Variants in ERLEC1 observed in about 807,000 individuals in gnomAD.
The protein encoded by ERLEC1 is ER lectin.
A neutral mutation model predicts 68.0 loss-of-function variants in ERLEC1; 47 were observed. The ratio of observed to expected loss-of-function variants is 0.69; its 90% CI spans 0.55 to 0.88. ERLEC1 has a LOEUF of 0.88. Ranked by LOEUF, ERLEC1 falls within the 40% of genes least tolerant of loss-of-function variation. The pLI is 0.00. For missense variants in ERLEC1, 567 were observed against 583.8 expected (o/e 0.97, Z 0.30); for synonymous variants, 225 against 203.2 (o/e 1.11, Z -0.91).
At chr2:53,798,212 T>C (rs1675822173) in intron 5 of ERLEC1, among the ~76,000 whole-genome samples, 1 of 151,984 alleles carries the variant, frequency 6.6e-6, no homozygotes, top group Non-Finnish European at 1.5e-5. Flanking sequence ...AATAAAATAC[T>C]GAAATGGGCT....
intron 8 of ERLEC1, among the ~76,000 whole-genome samples, chr2:53,802,753 G>A (rs753192463): frequency 1.3e-5 from 2 of 151,938 alleles, no homozygotes; most frequent in African/African-American, 2.4e-5. Flanking sequence ...TAAAAGTACC[G>A]CGGAGTTTTG....
rs199514701 is a variant in ERLEC1, at chr2:53,794,460, A to G, written c.267+11A>G. ...ACAAGTGGGGATGAGGTAAGTTTTT[A>G]TAAATATATTGATAATCCTGTCACC... On this transcript the variant is annotated intron_variant, in intron 2 of 13. Coordinates refer to ENST00000185150, the MANE Select transcript of ERLEC1 (RefSeq NM_015701.5). 4.2e-5 allele frequency: 52 copies of G among 1,247,522 alleles called. No homozygotes were observed. The Admixed American group carries it at 1.0e-3, about 24-fold the overall frequency. 77.3% of individuals were successfully genotyped at this position (1,247,522 alleles called of 1,614,324 possible).
At chr2:53,805,505 A>T (rs1676250710) in intron 8 of ERLEC1, among the ~76,000 whole-genome samples, 1 of 152,150 alleles carries the variant, frequency 6.6e-6, no homozygotes, top group South Asian at 2.1e-4. Context: ...GGTGTGAACC[A>T]CTGCAGCTGG....
At position 53,818,051 on chromosome 2, in the gene ERLEC1, C is replaced by T. The variant is rs1465797413; in HGVS notation, c.*82C>T. ...CCACTGTGTCTCATTATAGAGTTCT[C>T]AGCCATTGGACCTCTTCTAAAGGAT... On this transcript the variant is annotated 3_prime_UTR_variant, in exon 14 of 14. Transcript: ENST00000185150. 1.1e-6 allele frequency: 1 copy of T among 903,634 alleles called. No individual in the cohort carries two copies. Among genetic ancestry groups the T allele is most frequent in the Non-Finnish European group, 1.8e-6 (1 of 544,672 alleles). 56.0% of individuals were successfully genotyped at this position (903,634 alleles called of 1,614,324 possible).
In ERLEC1 at chr2:53,808,944, A is replaced by G. The variant is rs114390887; in HGVS notation, c.1042-270A>G. Among the ~76,000 whole-genome samples the G allele has an allele frequency of 2.1e-3, 320 of 152,282 alleles. 1 individual carries two copies. Among genetic ancestry groups the G allele is most frequent in the Non-Finnish European group, 3.2e-3 (217 of 68,022 alleles). ...GCACCTGGCCAACATCTCCCTTTAC[A>G]AAGTTAAAAATTTTGACCCTGACTC... On this transcript the variant is annotated intron_variant, in intron 9 of 13. Coordinates refer to ENST00000185150, the MANE Select transcript of ERLEC1 (RefSeq NM_015701.5).
In ERLEC1 at chr2:53,797,937, G is replaced by A. The variant is rs1042637626; in HGVS notation, c.490+142G>A. The stretch of plus-strand genomic sequence containing the variant: ...ATAGGCTGGGCGCGGTGGCTGACGC[G>A]TGTAATCCCAGCACTTTGGGAGGCC... On this transcript the variant is annotated intron_variant, in intron 5 of 13. Transcript: ENST00000185150. 28 of 727,532 alleles carry A rather than the reference G, an allele frequency of 3.8e-5. 1 individual carries two copies. Among genetic ancestry groups the A allele is most frequent in the African/African-American group, 1.1e-4 (6 of 56,776 alleles). 45.1% of individuals were successfully genotyped at this position (727,532 alleles called of 1,614,324 possible). A position where few individuals can be genotyped will look rare whatever the true frequency, so the allele number is the denominator to read the frequency against.
At position 53,787,124 on chromosome 2, in the gene ERLEC1, C is replaced by A; in HGVS notation, c.-87C>A. 2.4e-6 allele frequency: 3 copies of A among 1,265,744 alleles called. No homozygotes were observed. The highest frequency in any genetic ancestry group is 3.1e-6 in the Non-Finnish European group (3 of 970,536). The allele number at this position is 1,265,744 out of a possible 1,614,324, so 78.4% of individuals were successfully genotyped here. On this transcript the variant is annotated 5_prime_UTR_variant, in exon 1 of 14. Coordinates refer to ENST00000185150, the MANE Select transcript of ERLEC1 (RefSeq NM_015701.5). The stretch of plus-strand genomic sequence containing the variant: ...ATACCCGGGCGCTTTATAGTCCCGC[C>A]GCCTCCTCCTCCACCTCCTCCTCCT...
Position 53,818,042 on chromosome 2 carries a change from T to G in ERLEC1, c.*73T>G. 9.9e-7 allele frequency: 1 copy of G among 1,008,434 alleles called. No individual in the cohort carries two copies. The highest frequency in any genetic ancestry group is 1.6e-6 in the Non-Finnish European group (1 of 635,054). The allele number at this position is 1,008,434 out of a possible 1,614,324, so 62.5% of individuals were successfully genotyped here. On this transcript the variant is annotated 3_prime_UTR_variant, in exon 14 of 14. Coordinates refer to ENST00000185150, the MANE Select transcript of ERLEC1 (RefSeq NM_015701.5). Reference sequence around the variant, plus strand: ...ATTTCTGTCCCACTGTGTCTCATTATAGAGTTCTCAGCCATTGGACCTCTT... The same window carrying G: ...ATTTCTGTCCCACTGTGTCTCATTAGAGAGTTCTCAGCCATTGGACCTCTT...
In ERLEC1 at chr2:53,787,058, C is replaced by G. The variant is rs758862552; in HGVS notation, c.-153C>G. On this transcript the variant is annotated 5_prime_UTR_variant, in exon 1 of 14. Coordinates refer to ENST00000185150, the MANE Select transcript of ERLEC1 (RefSeq NM_015701.5). Reference sequence around the variant, plus strand: ...CTCAAGGGGGCGGAGGCGGCGTTGCCGGGCTCTCCGGAAGGAGACGTGGCG... The same window carrying G: ...CTCAAGGGGGCGGAGGCGGCGTTGCGGGGCTCTCCGGAAGGAGACGTGGCG... 4.0e-5 allele frequency: 44 copies of G among 1,101,940 alleles called. No individual in the cohort carries two copies. Among genetic ancestry groups the G allele is most frequent in the Non-Finnish European group, 5.2e-5 (42 of 810,046 alleles). 68.3% of individuals were successfully genotyped at this position (1,101,940 alleles called of 1,614,324 possible).
At chr2:53,814,517 A>G (rs758395006) in intron 11 of ERLEC1, 26 bp from the exon 12 acceptor site, 1 of 1,571,984 alleles carries the variant, frequency 6.4e-7, no homozygotes. Flanking sequence ...TTAGTTTAAT[A>G]AAACTTGTGT....
In ERLEC1 at chr2:53,797,602, T is replaced by G; in HGVS notation, c.426+10T>G. 1.2e-6 allele frequency: 2 copies of G among 1,606,212 alleles called. No individual in the cohort carries two copies. Among genetic ancestry groups the G allele is most frequent in the Non-Finnish European group, 1.7e-6 (2 of 1,176,348 alleles). On this transcript the variant is annotated intron_variant, in intron 4 of 13. Transcript: ENST00000185150. ...GAAAGAAACTGGTCAGGTGTGTTTT[T>G]CTTCAAAATATTATTATGAAACATT...
rs1328468058 is a variant in ERLEC1, at chr2:53,813,031, C to T, written c.1184C>T (p.Ala395Val). The change falls in exon 11 of 14, where the codon GCT becomes GTT. Residue 395 changes from alanine (A) to valine (V), a missense_variant. Ala to Val is a moderately conservative substitution (Grantham distance 64, BLOSUM62 0). Coordinates refer to ENST00000185150, the MANE Select transcript of ERLEC1 (RefSeq NM_015701.5). ...ATTGAATGGGCTAAGAAGAATACTG[C>T]TAGAGCTTATCATCTTCAAGACGAT... ...EHIEWAKKNT[A>V]RAYHLQDDGT... 6.2e-7 allele frequency: 1 copy of T among 1,613,268 alleles called. No individual in the cohort carries two copies. The highest frequency in any genetic ancestry group is 8.5e-7 in the Non-Finnish European group (1 of 1,179,840).
At chr2:53,809,736 G>C (rs12620208) in intron 10 of ERLEC1, among the ~76,000 whole-genome samples, 11,849 of 152,080 alleles carry the variant, frequency 0.078, 507 homozygotes, top group East Asian at 0.18. Context: ...CAGGGTAACA[G>C]AGTGAGACTC....
At chr2:53,792,850 C>T (rs55839073) in intron 1 of ERLEC1, among the ~76,000 whole-genome samples, 18,780 of 151,966 alleles carry the variant, frequency 0.12, 1,200 homozygotes, top group East Asian at 0.17. Context: ...AACCCCTTCT[C>T]TACAGAAAAA....
At chr2:53,794,497 T>A (rs1675579586) in intron 2 of ERLEC1, 48 bp downstream of exon 2, 1 of 824,250 alleles carries the variant, frequency 1.2e-6, no homozygotes, top group Non-Finnish European at 2.0e-6. Flanking sequence ...AAAATATTTA[T>A]GTAAAACATT....
intron 8 of ERLEC1, among the ~76,000 whole-genome samples, chr2:53,802,920 TTTC>T (rs1371301950): frequency 2.6e-5 from 4 of 152,154 alleles, no homozygotes; most frequent in South Asian, 4.1e-4. Context: ...AGTATATTGT[TTTC>T]TTCTTCTCTT....
In ERLEC1 at chr2:53,804,611, CATA is replaced by C. The variant is rs1676180359; in HGVS notation, c.879+2775_879+2777del. ...GATATTTTGATACAGATATGCAGTG[CATA>C]ATAATCACATCTTGGAGAATGAGGT... On this transcript the variant is annotated intron_variant, in intron 8 of 13. Transcript: ENST00000185150. Among the ~76,000 whole-genome samples, 5 of 152,110 alleles carry C rather than the reference CATA, an allele frequency of 3.3e-5. No homozygotes were observed. In the South Asian group the frequency reaches 1.0e-3, roughly 32 times the overall value.
chr2:53,810,307 AAAAAATTTT>A (rs960814252), intron 10 of ERLEC1, among the ~76,000 whole-genome samples: 2 of 152,096 alleles, frequency 1.3e-5, no homozygotes, highest in Non-Finnish European at 1.5e-5. Flanking sequence ...CCATCTCTAC[AAAAAATTTT>A]AAAAATTTTA....
chr2:53,812,875 G>T, intron 10 of ERLEC1, 74 bp from the exon 11 acceptor site: 1 of 1,503,876 alleles, frequency 6.6e-7, no homozygotes, highest in South Asian at 1.2e-5. Context: ...CTTACAAGAA[G>T]GTCAGGTCAT....
Sources: gnomAD v4.1 joint callset for allele counts (sites outside exome capture counted in the v4.1 genomes callset) on GRCh38, gnomAD v4.1.1 for gene constraint, MANE v1.5 for transcripts, NCBI Gene and HGNC (gene_info 2026-07-23, HGNC 2026-07-21) for gene names.